The following PPP3CB variants were observed in gnomAD, a reference collection of about 807,000 sequenced individuals.
PPP3CB encodes serine/threonine-protein phosphatase 2B catalytic subunit beta isoform.
A neutral mutation model predicts 66.4 loss-of-function variants in PPP3CB; 8 were observed. The ratio of observed to expected loss-of-function variants is 0.12; its 90% CI spans 0.07 to 0.22. The LOEUF (loss-of-function observed/expected upper bound fraction) is 0.22. PPP3CB is among the 10% of genes least tolerant of loss of function. The pLI, the probability that PPP3CB is intolerant of heterozygous loss-of-function variation, is 1.00. For synonymous variants in PPP3CB, 208 were observed against 221.2 expected, an observed-to-expected ratio of 0.94 and a Z score of 0.53; for missense variants, 319 against 642.5, an observed-to-expected ratio of 0.50 and a Z score of 5.44.
At chr10:73,440,334 T>C (rs2056124075) in intron 12 of PPP3CB, among the ~76,000 whole-genome samples, 1 of 152,242 alleles carries the variant, frequency 6.6e-6, no homozygotes, top group Non-Finnish European at 1.5e-5. Flanking sequence ...GAAAAGTCTT[T>C]TCTTTCATGT....
chr10:73,479,987 C>T (rs993908086), intron 1 of PPP3CB, among the ~76,000 whole-genome samples: 2 of 151,996 alleles, frequency 1.3e-5, no homozygotes, highest in African/African-American at 4.8e-5. Context: ...CACAGCGAGA[C>T]ACCATCTCAA....
chr10:73,443,265 AG>A (rs1361919144), intron 12 of PPP3CB, among the ~76,000 whole-genome samples: 19 of 136,960 alleles, frequency 1.4e-4, no homozygotes, highest in African/African-American at 4.9e-4. Flanking sequence ...AGAGAGAGAG[AG>A]AGAAAGAAAG....
intron 9 of PPP3CB, among the ~76,000 whole-genome samples, chr10:73,456,659 C>T (rs912627161): frequency 3.3e-5 from 5 of 152,164 alleles, no homozygotes; most frequent in African/African-American, 1.2e-4. Flanking sequence ...ATAAACTGCA[C>T]TCCCCCTACT....
At chr10:73,448,673 T>G in intron 10 of PPP3CB, 1 of 533,438 alleles carries the variant, frequency 1.9e-6, no homozygotes, top group South Asian at 1.4e-5. Context: ...CCTTTTTTAT[T>G]GCCATATATG....
chr10:73,477,238 A>C, intron 3 of PPP3CB: 1 of 515,660 alleles, frequency 1.9e-6, no homozygotes, highest in Non-Finnish European at 3.9e-6. Flanking sequence ...TGTGCAACAC[A>C]GGTATCTATT....
At chr10:73,460,724 G>C (rs2056506963) in intron 9 of PPP3CB, among the ~76,000 whole-genome samples, 1 of 152,218 alleles carries the variant, frequency 6.6e-6, no homozygotes, top group Non-Finnish European at 1.5e-5. Context: ...GAATAGTTTT[G>C]GGGGTCAGGG....
chr10:73,465,029 T>TA (rs1333875115), intron 9 of PPP3CB, among the ~76,000 whole-genome samples: 1 of 152,194 alleles, frequency 6.6e-6, no homozygotes, highest in Non-Finnish European at 1.5e-5. Context: ...TATTCTAAAG[T>TA]ATTTATAGAT....
intron 8 of PPP3CB, 27 bp downstream of exon 8, chr10:73,470,660 C>T (rs1181339242): frequency 2.1e-6 from 3 of 1,398,602 alleles, no homozygotes; most frequent in African/African-American, 1.5e-5. Flanking sequence ...AGTTGTTTAA[C>T]AATTTTTTTT....
chr10:73,454,705 CAA>C, intron 9 of PPP3CB, among the ~76,000 whole-genome samples: 1 of 142,354 alleles, frequency 7.0e-6, no homozygotes, highest in South Asian at 2.2e-4. Context: ...CTTTATGGAA[CAA>C]ATTTTCAGGC....
rs147339053 is a variant in PPP3CB at position 73,474,116 on chromosome 10, C to A, written c.523+803G>T. Among the ~76,000 whole-genome samples the A allele has an allele frequency of 8.8e-3, 1,340 of 152,110 alleles. 32 individuals carry two copies. Among genetic ancestry groups the A allele is most frequent in the African/African-American group, 0.03 (1,250 of 41,492 alleles). The stretch of plus-strand genomic sequence containing the variant: ...GGAGTACAATGGCGCGATCTCGGCT[C>A]ACTGCAACCTCCGCCTCCCAGGTTC... On this transcript the variant is annotated intron_variant, in intron 4 of 13. Coordinates refer to ENST00000360663, the MANE Select transcript of PPP3CB (RefSeq NM_021132.4).
At chr10:73,456,306 G>T (rs948228167) in intron 9 of PPP3CB, among the ~76,000 whole-genome samples, 5 of 152,192 alleles carry the variant, frequency 3.3e-5, no homozygotes, top group Non-Finnish European at 7.3e-5. Flanking sequence ...AACTGCAAAA[G>T]GTTGATGGAA....
chr10:73,468,146 C>A (rs1200239579), intron 8 of PPP3CB, among the ~76,000 whole-genome samples: 2 of 152,048 alleles, frequency 1.3e-5, no homozygotes, highest in Non-Finnish European at 2.9e-5. Flanking sequence ...AAAAATCCCA[C>A]CCATTTGGAA....
intron 1 of PPP3CB, among the ~76,000 whole-genome samples, chr10:73,481,297 C>A (rs1198602393): frequency 6.6e-6 from 1 of 150,964 alleles, no homozygotes; most frequent in Non-Finnish European, 1.5e-5. Flanking sequence ...CATGGTGAAA[C>A]CCCATCTCTA....
At chr10:73,456,538 G>A (rs2056430102) in intron 9 of PPP3CB, among the ~76,000 whole-genome samples, 1 of 152,112 alleles carries the variant, frequency 6.6e-6, no homozygotes, top group African/African-American at 2.4e-5. Context: ...GATATTTAAG[G>A]TCAATTGATT....
chr10:73,486,296 T>G (rs900046758), intron 1 of PPP3CB, among the ~76,000 whole-genome samples: 2 of 97,466 alleles, frequency 2.1e-5, no homozygotes, highest in Non-Finnish European at 3.8e-5. Flanking sequence ...GCCAGACTGG[T>G]TTTTTTTTTT....
intron 4 of PPP3CB, among the ~76,000 whole-genome samples, chr10:73,472,649 T>C (rs535056140): frequency 1.3e-5 from 2 of 152,030 alleles, no homozygotes; most frequent in East Asian, 1.9e-4. Context: ...TTTATTCTTA[T>C]TACAGGCAAG....
At chr10:73,452,003 C>T (rs571874831) in intron 10 of PPP3CB, among the ~76,000 whole-genome samples, 3 of 151,942 alleles carry the variant, frequency 2.0e-5, no homozygotes, top group African/African-American at 7.2e-5. Context: ...GCCTCAGCCT[C>T]CCAAAGTGCT....
At chr10:73,483,726 T>C (rs1241392447) in intron 1 of PPP3CB, among the ~76,000 whole-genome samples, 1 of 152,146 alleles carries the variant, frequency 6.6e-6, no homozygotes, top group East Asian at 1.9e-4. Flanking sequence ...ACGTATAGTG[T>C]TGTTTTGCAA....
chr10:73,468,007 T>C (rs2056645622), intron 8 of PPP3CB, among the ~76,000 whole-genome samples: 3 of 152,178 alleles, frequency 2.0e-5, no homozygotes, highest in Admixed American at 2.0e-4. Context: ...AAACTCAGTT[T>C]TTAGAGGAAA....
Sources: allele counts gnomAD v4.1 joint callset (sites outside exome capture counted in the v4.1 genomes callset), GRCh38; gene constraint gnomAD v4.1.1; transcripts MANE v1.5; gene names NCBI Gene and HGNC (gene_info 2026-07-23, HGNC 2026-07-21).